ATPAF1: variants seen among roughly 807,000 people sequenced by gnomAD.
ATPAF1 encodes ATP synthase mitochondrial F1 complex assembly factor 1, also known as homolog of yeast ATP11.
Under a neutral mutation model 43.9 loss-of-function variants are expected in ATPAF1, and 26 were observed. The ratio of observed to expected loss-of-function variants is 0.59; its 90% confidence interval spans 0.43 to 0.82. The LOEUF is 0.82. Among genes scored for constraint, ATPAF1 ranks in the 40% least tolerant of loss-of-function variants. The pLI, the probability that ATPAF1 is intolerant of heterozygous loss-of-function variation, is 0.00. For missense variants in ATPAF1, 366 were observed against 435.0 expected (o/e 0.84, Z 1.41); for synonymous variants, 157 against 168.0 (o/e 0.93, Z 0.50).
chr1:46,643,348 C>T lies in ATPAF1; in HGVS notation c.685-47G>A, dbSNP rs374884433. 1.1e-4 allele frequency: 155 copies of T among 1,441,610 alleles called. No homozygotes were observed. In the African/African-American group the frequency reaches 1.9e-3, roughly 17 times the overall value. 89.3% of individuals were successfully genotyped at this position (1,441,610 alleles called of 1,614,324 possible). ...AAGGCTCAATAAGGTACCATCACAA[C>T]AAACTGCAATTTCAAAGCAATAGAC... On this transcript the variant is annotated intron_variant, in intron 7 of 8. Coordinates refer to ENST00000574428, the Ensembl canonical transcript of ATPAF1.
In ATPAF1 at chr1:46,653,809, C is replaced by T. The variant is rs761286529; in HGVS notation, c.540+8G>A. The T allele has an allele frequency of 1.2e-6, 2 of 1,606,596 alleles. No individual in the cohort carries two copies. Among genetic ancestry groups the T allele is most frequent in the East Asian group, 4.5e-5 (2 of 44,540 alleles). ...TAACACTTTCACTTTGCCCTCCAAA[C>T]TACTTACAGGAATAACTGCGTAGAC... On this transcript the variant is annotated splice_region_variant and intron_variant, in intron 5 of 8. Coordinates refer to ENST00000574428, the Ensembl canonical transcript of ATPAF1. The surrounding 1 kb of genome is among the most constrained non-coding windows in gnomAD (Gnocchi z 4.8).
chr1:46,666,167 C>A, intron 1 of ATPAF1: 1 of 190,486 alleles, frequency 5.2e-6, no homozygotes, highest in Non-Finnish European at 1.1e-5. Flanking sequence ...TTATAGGGGG[C>A]CCCTTCTTCC....
intron 2 of ATPAF1, among the ~76,000 whole-genome samples, chr1:46,659,836 C>G (rs1441230911): frequency 6.6e-6 from 1 of 152,196 alleles, no homozygotes; most frequent in Admixed American, 6.5e-5. Context: ...GGTCATAGAA[C>G]CTGTACCCAC....
Position 46,665,395 on chromosome 1 carries a change from A to G in ATPAF1, c.267-31T>C, listed in dbSNP as rs779510855. ...CAGAGGTAAACCAAAGGGTAAACCA[A>G]CTGGGCCTTTTTGAATTCTAAAATA... On this transcript the variant is annotated intron_variant, in intron 1 of 8. Transcript: ENST00000574428. 1.9e-6 allele frequency: 3 copies of G among 1,598,178 alleles called. No individual in the cohort carries two copies. In the African/African-American group the frequency reaches 4.0e-5, roughly 21 times the overall value.
chr1:46,657,186 T>C (rs931898961), intron 4 of ATPAF1, among the ~76,000 whole-genome samples: 2 of 152,202 alleles, frequency 1.3e-5, no homozygotes, highest in African/African-American at 4.8e-5. Flanking sequence ...ATAATGCATA[T>C]GAAGCATTAG....
chr1:46,664,172 C>T (rs1175769026), intron 2 of ATPAF1, among the ~76,000 whole-genome samples: 5 of 152,122 alleles, frequency 3.3e-5, no homozygotes, highest in Non-Finnish European at 7.4e-5. Context: ...TTAGAATAAT[C>T]TTCCCAGACA....
At chr1:46,668,438 G>A, upstream of ATPAF1, 6 of 1,149,470 alleles carry the variant, frequency 5.2e-6, no homozygotes, top group Non-Finnish European at 6.4e-6. This position sits in a 1 kb window ranked among gnomAD's most constrained non-coding sequence, Gnocchi z 4.4. Flanking sequence ...GAGGTTCCGC[G>A]CGCCCAAGGT....
chr1:46,633,873 C>A, downstream of ATPAF1: 1 of 454,174 alleles, frequency 2.2e-6, no homozygotes, highest in Middle Eastern at 3.3e-4. Context: ...AAAAACAACC[C>A]CATCTGATGT....
chr1:46,668,411 G>T (rs944145683), upstream of ATPAF1: 3 of 1,173,910 alleles, frequency 2.6e-6, no homozygotes, highest in African/African-American at 4.9e-5. The surrounding 1 kb of genome is among the most constrained non-coding windows in gnomAD (Gnocchi z 4.4). Context: ...AGTGCGCCGC[G>T]CCCGCGCTCC....
chr1:46,662,447 T>G (rs1350584296), intron 2 of ATPAF1, among the ~76,000 whole-genome samples: 1 of 148,150 alleles, frequency 6.7e-6, no homozygotes, highest in East Asian at 2.1e-4. Flanking sequence ...TTAACCCATC[T>G]GTTATTTTTT....
chr1:46,652,660 C>T, intron 5 of ATPAF1, 32 bp from the exon 6 acceptor site: 1 of 1,595,646 alleles, frequency 6.3e-7, no homozygotes, highest in Non-Finnish European at 8.6e-7. Context: ...AGTTAACCTA[C>T]ACATAGTAAA....
chr1:46,665,449 G>T, intron 1 of ATPAF1, 85 bp from the exon 2 acceptor site: 1 of 1,412,916 alleles, frequency 7.1e-7, no homozygotes, highest in Non-Finnish European at 9.8e-7. Flanking sequence ...CCTCTACAGA[G>T]AAAGGACACT....
intron 4 of ATPAF1, 145 bp downstream of exon 4, chr1:46,657,982 A>G (rs189620316): frequency 3.8e-6 from 3 of 785,304 alleles, no homozygotes; most frequent in African/African-American, 1.8e-5. Context: ...TTCTTATGAC[A>G]TTGTTCTTCA....
rs141120309 is a variant in ATPAF1 at position 46,662,292 on chromosome 1, A to G, written c.375+2964T>C. 2.5e-3 allele frequency among the ~76,000 whole-genome samples: 381 copies of G among 152,302 alleles called. 1 individual carries two copies. The highest frequency in any genetic ancestry group is 8.9e-3 in the African/African-American group (372 of 41,568). On this transcript the variant is annotated intron_variant, in intron 2 of 8. Coordinates refer to ENST00000574428, the Ensembl canonical transcript of ATPAF1. ...TAATATAGTAATATTTCCAAGAGCT[A>G]TTGACTTGTAACCTTACTACTATAA... is the stretch of plus-strand genomic sequence containing the variant.
At chr1:46,657,934 G>C (rs920949482) in intron 4 of ATPAF1, among the ~76,000 whole-genome samples, 193 bp downstream of exon 4, 1 of 152,160 alleles carries the variant, frequency 6.6e-6, no homozygotes, top group Admixed American at 6.5e-5. Context: ...AGACATACAA[G>C]TTGATTAGAC....
chr1:46,646,523 G>C (rs12566278), intron 6 of ATPAF1, among the ~76,000 whole-genome samples: 9,603 of 152,218 alleles, frequency 0.063, 864 homozygotes, highest in East Asian at 0.4. Flanking sequence ...GTAGAGAAAA[G>C]AATGGTGCCA....
chr1:46,646,952 C>T (rs945038580), intron 6 of ATPAF1, among the ~76,000 whole-genome samples: 3 of 152,166 alleles, frequency 2.0e-5, no homozygotes, highest in Non-Finnish European at 4.4e-5. Context: ...AAAATGAGTA[C>T]TTTTTTGGTT....
intron 6 of ATPAF1, among the ~76,000 whole-genome samples, chr1:46,646,143 T>C (rs1440306262): frequency 6.6e-6 from 1 of 152,216 alleles, no homozygotes; most frequent in Non-Finnish European, 1.5e-5. Flanking sequence ...GACCCTGTCT[T>C]TAGAAAAATT....
intron 4 of ATPAF1, among the ~76,000 whole-genome samples, chr1:46,657,774 T>C (rs555265797): frequency 3.9e-4 from 59 of 152,088 alleles, no homozygotes; most frequent in African/African-American, 1.4e-3. Context: ...AAAGGAGAAG[T>C]TTCAGAGGAC....
Sources: gnomAD v4.1 joint callset for allele counts (sites outside exome capture counted in the v4.1 genomes callset) on GRCh38, gnomAD v4.1.1 for gene constraint, Gnocchi (gnomAD v3.1) non-coding constraint, MANE v1.5 for transcripts, NCBI Gene and HGNC (gene_info 2026-07-23, HGNC 2026-07-21) for gene names.